ACOT12: variants seen among roughly 807,000 people sequenced by gnomAD.
ACOT12 encodes the protein acetyl-coenzyme A thioesterase.
In ACOT12, 51 loss-of-function variants were observed where a neutral mutation model predicts 67.7. That is an observed-to-expected ratio of 0.75 (90% CI 0.60 to 0.95). ACOT12 has a LOEUF of 0.95. ACOT12 is among the 40% of genes least tolerant of loss of function. The pLI is 0.00. For synonymous variants in ACOT12, 251 were observed against 244.6 expected (o/e 1.03, Z -0.24); for missense variants, 734 against 708.1 (o/e 1.04, Z -0.41).
chr5:81,319,710 T>C, the ACOT12 span, among the ~76,000 whole-genome samples: 1 of 148,528 alleles, frequency 6.7e-6, no homozygotes, highest in Non-Finnish European at 1.5e-5. Flanking sequence ...AGAGCGAAAC[T>C]GTCTCAAAAA....
intron 2 of ACOT12, among the ~76,000 whole-genome samples, chr5:81,379,417 C>T (rs190643177): frequency 6.6e-6 from 1 of 152,016 alleles, no homozygotes; most frequent in East Asian, 1.9e-4. Flanking sequence ...CACCATGGCA[C>T]GTGTATACCT....
At chr5:81,322,503 G>A in the ACOT12 span, among the ~76,000 whole-genome samples, 1 of 150,272 alleles carries the variant, frequency 6.7e-6, no homozygotes, top group Non-Finnish European at 1.5e-5. Flanking sequence ...TAGATAATAA[G>A]AATTTAAAAG....
chr5:81,349,681 C>G (rs752096555), intron 5 of ACOT12, among the ~76,000 whole-genome samples: 2 of 152,112 alleles, frequency 1.3e-5, no homozygotes, highest in African/African-American at 2.4e-5. Flanking sequence ...CCCACTAGAT[C>G]CTAAGCTTTT....
intron 1 of ACOT12, among the ~76,000 whole-genome samples, chr5:81,392,006 G>A (rs998971664): frequency 3.3e-5 from 5 of 152,286 alleles, no homozygotes; most frequent in Middle Eastern, 3.4e-3. Context: ...ATACATGGAC[G>A]TGTGAGATAG....
chr5:81,372,911 G>A (rs2153856416), intron 2 of ACOT12, among the ~76,000 whole-genome samples: 1 of 152,154 alleles, frequency 6.6e-6, no homozygotes, highest in South Asian at 2.1e-4. Context: ...AATAGATAAA[G>A]CCCAAAAGAT....
At chr5:81,313,997 CAG>C in the ACOT12 span, among the ~76,000 whole-genome samples, 335 of 152,310 alleles carry the variant, frequency 2.2e-3, 4 homozygotes, top group Admixed American at 0.02. Context: ...CCATCAGGAG[CAG>C]AGTCTACAGC....
chr5:81,385,737 C>T lies in ACOT12; in HGVS notation c.197+20G>A. On this transcript the variant is annotated intron_variant, in intron 2 of 14. Coordinates refer to ENST00000307624, the MANE Select transcript of ACOT12 (RefSeq NM_130767.3). ...ACCCACAAACCCAGGAGAAAGGAGC[C>T]ATGGAGCAATGTCACTTACCTAGCT... is the stretch of plus-strand genomic sequence containing the variant. The T allele has an allele frequency of 1.2e-6, 2 of 1,613,124 alleles. No individual in the cohort carries two copies. Among genetic ancestry groups the T allele is most frequent in the Non-Finnish European group, 1.7e-6 (2 of 1,179,256 alleles).
intron 2 of ACOT12, among the ~76,000 whole-genome samples, chr5:81,376,715 A>G (rs1327456388): frequency 6.6e-6 from 1 of 152,198 alleles, no homozygotes; most frequent in Non-Finnish European, 1.5e-5. Context: ...AAACACCTCT[A>G]CGCAAATAAA....
chr5:81,371,641 T>A (rs1042679363), intron 3 of ACOT12, 109 bp downstream of exon 3: 13 of 1,084,126 alleles, frequency 1.2e-5, no homozygotes, highest in Admixed American at 2.0e-5. Context: ...CCTTCTGAAA[T>A]AGAGAATCTC....
chr5:81,338,671 G>GAATT (rs1326998336), intron 11 of ACOT12, among the ~76,000 whole-genome samples: 1 of 152,196 alleles, frequency 6.6e-6, no homozygotes, highest in African/African-American at 2.4e-5. Context: ...GATGGTTGGA[G>GAATT]AATTTCATTC....
At chr5:81,371,883 T>A in intron 2 of ACOT12, 73 bp from the exon 3 acceptor site, 2 of 1,312,054 alleles carry the variant, frequency 1.5e-6, no homozygotes, top group Non-Finnish European at 2.2e-6. Flanking sequence ...AAAGATTACT[T>A]AAATGCATGC....
At chr5:81,315,442 C>T in the ACOT12 span, among the ~76,000 whole-genome samples, 2 of 152,174 alleles carry the variant, frequency 1.3e-5, no homozygotes, top group Non-Finnish European at 2.9e-5. Context: ...AACACTATAG[C>T]TCTATTTGTT....
Position 81,332,490 on chromosome 5 carries a change from G to A in ACOT12, c.1378C>T (p.Pro460Ser). Residue 460 changes from proline (P) to serine (S), a missense_variant, in exon 13 of 15, where the codon CCC (proline) becomes TCC (serine). Physicochemically the swap from Pro to Ser is moderately conservative, Grantham distance 74. Coordinates refer to ENST00000307624, the MANE Select transcript of ACOT12 (RefSeq NM_130767.3). Reference sequence around the variant, plus strand: ...GCATATACTCACCCATCTTTGAGGGGTTTTCTTCGTGATACGAGTACTACC... The same window carrying A: ...GCATATACTCACCCATCTTTGAGGGATTTTCTTCGTGATACGAGTACTACC... ...DLVVLVSRRK[P>S]LKDGNTYTVA... 4.3e-6 allele frequency: 7 copies of A among 1,613,946 alleles called. No individual in the cohort carries two copies. Among genetic ancestry groups the A allele is most frequent in the Non-Finnish European group, 5.1e-6 (6 of 1,179,960 alleles).
intron 2 of ACOT12, among the ~76,000 whole-genome samples, chr5:81,383,148 A>G (rs1017058174): frequency 6.6e-6 from 1 of 151,954 alleles, no homozygotes; most frequent in Non-Finnish European, 1.5e-5. Context: ...TAATCCCAGC[A>G]CTGTGGATCA....
At chr5:81,353,334 C>T (rs1759610974) in intron 5 of ACOT12, among the ~76,000 whole-genome samples, 1 of 152,206 alleles carries the variant, frequency 6.6e-6, no homozygotes, top group African/African-American at 2.4e-5. Flanking sequence ...GCAATTCAGG[C>T]TCGCAGTTCT....
chr5:81,331,109 G>C (rs1168461892), intron 13 of ACOT12, among the ~76,000 whole-genome samples, 169 bp from the exon 14 acceptor site: 1 of 152,178 alleles, frequency 6.6e-6, no homozygotes, highest in Non-Finnish European at 1.5e-5. Flanking sequence ...CTACCTTCAA[G>C]GTAGGAAATA....
intron 3 of ACOT12, among the ~76,000 whole-genome samples, chr5:81,366,083 A>G (rs1213110623): frequency 6.6e-6 from 1 of 152,226 alleles, no homozygotes; most frequent in Non-Finnish European, 1.5e-5. Flanking sequence ...CACTGAATAT[A>G]TAACACCTTC....
At chr5:81,326,149 C>T (rs1403693478), downstream of ACOT12, among the ~76,000 whole-genome samples, 8 of 98,772 alleles carry the variant, frequency 8.1e-5, no homozygotes, top group South Asian at 3.6e-4. Context: ...TTTTGTGAGT[C>T]GAAGTCTCGC....
At chr5:81,359,860 T>G (rs1370154045) in intron 5 of ACOT12, 43 bp downstream of exon 5, 2 of 1,573,170 alleles carry the variant, frequency 1.3e-6, no homozygotes. Flanking sequence ...CCTTTGCCTG[T>G]CACAGTTATA....
Sources: allele counts gnomAD v4.1 joint callset (sites outside exome capture counted in the v4.1 genomes callset), GRCh38; gene constraint gnomAD v4.1.1; transcripts MANE v1.5; gene names NCBI Gene and HGNC (gene_info 2026-07-23, HGNC 2026-07-21).